Variants in FHIP1A observed in about 807,000 individuals in gnomAD.
The protein encoded by FHIP1A is FHF complex subunit HOOK interacting protein 1A, also known as FHF complex subunit HOOK-interacting protein 1A.
In FHIP1A, 61 loss-of-function variants were observed where a neutral mutation model predicts 88.6. The ratio of observed to expected loss-of-function variants is 0.69; its 90% CI spans 0.56 to 0.85. FHIP1A has a LOEUF of 0.85. FHIP1A is among the 40% of genes least tolerant of loss of function. The pLI is 0.00. For synonymous variants in FHIP1A, 478 were observed against 496.0 expected (o/e 0.96, Z 0.48); for missense variants, 1,154 against 1,273.5 (o/e 0.91, Z 1.43).
chr4:151,622,520 C>G (rs1459667887), intron 7 of FHIP1A, among the ~76,000 whole-genome samples: 1 of 151,964 alleles, frequency 6.6e-6, no homozygotes, highest in Non-Finnish European at 1.5e-5. Context: ...TGTGAGACAC[C>G]CCTTCAGTAA....
At chr4:151,476,451 A>G (rs961320982) in intron 2 of FHIP1A, among the ~76,000 whole-genome samples, 2 of 152,130 alleles carry the variant, frequency 1.3e-5, no homozygotes, top group African/African-American at 4.8e-5. Context: ...ACCTGGACCT[A>G]TTATTGATTT....
chr4:151,519,994 T>A (rs1372834403), intron 3 of FHIP1A, among the ~76,000 whole-genome samples: 2 of 152,164 alleles, frequency 1.3e-5, no homozygotes, highest in African/African-American at 2.4e-5. Context: ...CAGTTCTTTG[T>A]CAGATGTATG....
intron 5 of FHIP1A, among the ~76,000 whole-genome samples, chr4:151,586,032 A>G (rs1734197798): frequency 1.3e-5 from 2 of 152,110 alleles, no homozygotes; most frequent in African/African-American, 4.8e-5. Context: ...TCTCCTTGCT[A>G]TTGCTTGTGA....
At chr4:151,538,670 T>C (rs774282366) in intron 3 of FHIP1A, among the ~76,000 whole-genome samples, 2 of 152,206 alleles carry the variant, frequency 1.3e-5, no homozygotes, top group African/African-American at 2.4e-5. Context: ...ACACTTCTGG[T>C]GTTGCCAGAA....
intron 4 of FHIP1A, 148 bp from the exon 5 acceptor site, chr4:151,577,302 G>A (rs912383067): frequency 8.1e-6 from 4 of 494,410 alleles, no homozygotes; most frequent in East Asian, 7.8e-5. Context: ...TTGAGAGGGA[G>A]ACACACACAC....
chr4:151,561,963 AAAT>A (rs924632235), intron 3 of FHIP1A, among the ~76,000 whole-genome samples: 12 of 152,180 alleles, frequency 7.9e-5, no homozygotes, highest in African/African-American at 2.9e-4. Context: ...AAAGTACATA[AAAT>A]AATGACTCAA....
chr4:151,605,557 A>G (rs1020904092), intron 7 of FHIP1A, among the ~76,000 whole-genome samples: 3 of 152,166 alleles, frequency 2.0e-5, no homozygotes, highest in African/African-American at 7.2e-5. Context: ...TACCAGAAAA[A>G]CTGATTTTTC....
chr4:151,527,195 C>T (rs552927203), intron 3 of FHIP1A, among the ~76,000 whole-genome samples: 6 of 152,154 alleles, frequency 3.9e-5, no homozygotes, highest in Non-Finnish European at 8.8e-5. Flanking sequence ...GAGGTTGTAG[C>T]GAGCCGAGAT....
chr4:151,545,369 C>CTT (rs569126288), intron 3 of FHIP1A, among the ~76,000 whole-genome samples: 3,315 of 81,694 alleles, frequency 0.041, 528 homozygotes, highest in Non-Finnish European at 0.052. Flanking sequence ...CCTTATCCTT[C>CTT]TTTTTTTTTT....
intron 3 of FHIP1A, among the ~76,000 whole-genome samples, chr4:151,525,030 G>T (rs1351177003): frequency 1.3e-5 from 2 of 152,134 alleles, no homozygotes; most frequent in Admixed American, 1.3e-4. Context: ...ATTTTCACTT[G>T]CAGAAAGATC....
chr4:151,486,421 A>T (rs2126640814), intron 3 of FHIP1A, among the ~76,000 whole-genome samples: 1 of 152,280 alleles, frequency 6.6e-6, no homozygotes, highest in South Asian at 2.1e-4. Flanking sequence ...ACCACATACC[A>T]GGAGATTTTG....
chr4:151,442,820 T>G (rs142300505), intron 1 of FHIP1A, among the ~76,000 whole-genome samples: 5 of 152,224 alleles, frequency 3.3e-5, no homozygotes, highest in African/African-American at 9.6e-5. Flanking sequence ...TGTGTCTTTT[T>G]GTTATATACT....
chr4:151,481,056 A>G lies in FHIP1A; in HGVS notation c.-247-1468A>G, dbSNP rs535264147. 5.3e-5 allele frequency among the ~76,000 whole-genome samples: 8 copies of G among 152,178 alleles called. No individual in the cohort carries two copies. In the South Asian group the frequency reaches 1.7e-3, roughly 31 times the overall value. The stretch of plus-strand genomic sequence containing the variant: ...ATGGCTATATAGAGATTTCAAAAAG[A>G]CATATTTGTTTTACAGGACTCTGAC... On this transcript the variant is annotated intron_variant, in intron 2 of 13. Coordinates refer to ENST00000435205, the MANE Select transcript of FHIP1A (RefSeq NM_001109977.3).
At chr4:151,658,391 G>A (rs1238349719) in intron 13 of FHIP1A, among the ~76,000 whole-genome samples, 2 of 152,258 alleles carry the variant, frequency 1.3e-5, no homozygotes, top group African/African-American at 4.8e-5. Flanking sequence ...TCTGCCATCA[G>A]TGGGTGGCTG....
At chr4:151,452,609 A>C (rs1422909091) in intron 1 of FHIP1A, among the ~76,000 whole-genome samples, 1 of 152,036 alleles carries the variant, frequency 6.6e-6, no homozygotes, top group African/African-American at 2.4e-5. Flanking sequence ...CTATATATGT[A>C]TATAGATGTA....
intron 6 of FHIP1A, among the ~76,000 whole-genome samples, chr4:151,588,505 A>G (rs551056726): frequency 6.6e-6 from 1 of 152,166 alleles, no homozygotes; most frequent in African/African-American, 2.4e-5. Flanking sequence ...AACAAACTGG[A>G]TATGTTTAAC....
chr4:151,517,319 G>A (rs1308150492), intron 3 of FHIP1A, among the ~76,000 whole-genome samples: 1 of 151,978 alleles, frequency 6.6e-6, no homozygotes, highest in Non-Finnish European at 1.5e-5. Flanking sequence ...GGGGAGGGGG[G>A]AGGCATAGCT....
chr4:151,425,196 T>C (rs939490122), intron 1 of FHIP1A, among the ~76,000 whole-genome samples: 2 of 152,204 alleles, frequency 1.3e-5, no homozygotes, highest in African/African-American at 4.8e-5. Flanking sequence ...ATCAATCCTT[T>C]AGATCTCACT....
At chr4:151,423,096 T>C (rs1733237431) in intron 1 of FHIP1A, among the ~76,000 whole-genome samples, 1 of 152,214 alleles carries the variant, frequency 6.6e-6, no homozygotes, top group African/African-American at 2.4e-5. Context: ...TTGACAGGTG[T>C]TCACAAATCT....
Sources: allele counts gnomAD v4.1 joint callset (sites outside exome capture counted in the v4.1 genomes callset), GRCh38; gene constraint gnomAD v4.1.1; transcripts MANE v1.5; gene names NCBI Gene and HGNC (gene_info 2026-07-23, HGNC 2026-07-21).